Variants in ARHGAP15 observed in about 807,000 individuals in gnomAD.
ARHGAP15 encodes Rho GTPase activating protein 15.
A neutral mutation model predicts 63.7 loss-of-function variants in ARHGAP15; 51 were observed. The observed-to-expected ratio is 0.80, with a 90% CI of 0.64 to 1.01. The LOEUF (loss-of-function observed/expected upper bound fraction) is 1.01. Ranked by LOEUF, ARHGAP15 falls within the 50% of genes least tolerant of loss-of-function variation. The pLI is 0.00. For synonymous variants in ARHGAP15, 191 were observed against 193.8 expected (o/e 0.99, Z 0.12); for missense variants, 560 against 564.6 (o/e 0.99, Z 0.08).
rs201634692 is a variant in ARHGAP15 at position 143,399,365 on chromosome 2, A to T, written c.475-36236A>T. Among the ~76,000 whole-genome samples, 209 of 147,232 alleles carry T rather than the reference A, an allele frequency of 1.4e-3. 2 individuals carry two copies. Among genetic ancestry groups the T allele is most frequent in the Non-Finnish European group, 2.3e-3 (150 of 66,614 alleles). ...GCTCAAAGAGCACTGAGGCAAAAAA[A>T]TAAAAAAAAATGCCCTTCTTGGCAG... is the stretch of plus-strand genomic sequence containing the variant. On this transcript the variant is annotated intron_variant, in intron 6 of 13. Coordinates refer to ENST00000295095, the MANE Select transcript of ARHGAP15 (RefSeq NM_018460.4).
intron 8 of ARHGAP15, among the ~76,000 whole-genome samples, chr2:143,484,044 C>G (rs977467874): frequency 1.3e-5 from 2 of 151,808 alleles, no homozygotes; most frequent in African/African-American, 4.8e-5. Flanking sequence ...CCTGGCCAAC[C>G]TGGTGAAATC....
At chr2:143,337,295 G>A (rs1204062958) in intron 6 of ARHGAP15, among the ~76,000 whole-genome samples, 5 of 152,262 alleles carry the variant, frequency 3.3e-5, no homozygotes, top group Non-Finnish European at 4.4e-5. Context: ...GGAGGAAGGG[G>A]CCAGATTGCA....
chr2:143,606,278 T>C (rs2105205399), intron 11 of ARHGAP15, among the ~76,000 whole-genome samples: 2 of 152,264 alleles, frequency 1.3e-5, no homozygotes, highest in Middle Eastern at 6.8e-3. Flanking sequence ...TTCACAAATT[T>C]TGAGTGGTTA....
chr2:143,705,965 T>C (rs1684307466), intron 13 of ARHGAP15, among the ~76,000 whole-genome samples: 1 of 152,226 alleles, frequency 6.6e-6, no homozygotes, highest in Non-Finnish European at 1.5e-5. Context: ...TTTAGTTCAA[T>C]AGAGATGGAA....
chr2:143,405,085 C>T (rs1027639636), intron 6 of ARHGAP15, among the ~76,000 whole-genome samples: 1 of 151,554 alleles, frequency 6.6e-6, no homozygotes, highest in Non-Finnish European at 1.5e-5. Flanking sequence ...TCAAGGTGAA[C>T]TTTACAATGA....
rs544847178 is a variant in ARHGAP15 at position 143,711,004 on chromosome 2, G to C, written c.1244+7480G>C. ...ATATTCCAGACCTGAACAAAATCAGGGGTTGGAAAAGTGTGGCCCACAGGC... is the reference window on the plus strand; with the variant it reads ...ATATTCCAGACCTGAACAAAATCAGCGGTTGGAAAAGTGTGGCCCACAGGC... On this transcript the variant is annotated intron_variant, in intron 13 of 13. Transcript: ENST00000295095. 2.6e-5 allele frequency among the ~76,000 whole-genome samples: 4 copies of C among 152,268 alleles called. No individual in the cohort carries two copies. In the East Asian group the frequency reaches 5.8e-4, roughly 22 times the overall value.
intron 9 of ARHGAP15, among the ~76,000 whole-genome samples, chr2:143,503,131 A>G (rs1693148984): frequency 6.6e-6 from 1 of 152,262 alleles, no homozygotes; most frequent in Admixed American, 6.5e-5. Flanking sequence ...CTAGAATCCT[A>G]GACACAAAGA....
intron 1 of ARHGAP15, among the ~76,000 whole-genome samples, chr2:143,143,285 G>T (rs930794301): frequency 6.6e-6 from 1 of 152,162 alleles, no homozygotes; most frequent in African/African-American, 2.4e-5. Context: ...AAGGCATCAA[G>T]AGAACCTTCA....
intron 11 of ARHGAP15, chr2:143,598,047 C>T (rs943745522): frequency 2.0e-5 from 3 of 152,208 alleles, no homozygotes; most frequent in African/African-American, 7.2e-5. Context: ...AACTCCTCCC[C>T]AAAGTCTCCA....
intron 1 of ARHGAP15, among the ~76,000 whole-genome samples, chr2:143,139,367 G>T (rs552070921): frequency 1.3e-5 from 2 of 151,792 alleles, no homozygotes; most frequent in Non-Finnish European, 2.9e-5. Context: ...CTTTCTTTCC[G>T]TTTGCACGTA....
intron 11 of ARHGAP15, among the ~76,000 whole-genome samples, chr2:143,587,065 G>A (rs1169659096): frequency 6.6e-6 from 1 of 152,066 alleles, no homozygotes; most frequent in African/African-American, 2.4e-5. Flanking sequence ...ACAATAAAAT[G>A]ATTTTGCCTT....
intron 9 of ARHGAP15, among the ~76,000 whole-genome samples, chr2:143,504,335 A>G (rs1693206120): frequency 6.6e-6 from 1 of 152,220 alleles, no homozygotes; most frequent in Non-Finnish European, 1.5e-5. Flanking sequence ...CTGGGCCTAC[A>G]AAGATGTATA....
chr2:143,227,191 A>G (rs1693244059), intron 4 of ARHGAP15, among the ~76,000 whole-genome samples: 1 of 152,306 alleles, frequency 6.6e-6, no homozygotes, highest in Admixed American at 6.5e-5. Context: ...ATGAACATAT[A>G]TATATTCTAA....
At chr2:143,220,703 G>C (rs1174536162) in intron 4 of ARHGAP15, among the ~76,000 whole-genome samples, 1 of 152,090 alleles carries the variant, frequency 6.6e-6, no homozygotes, top group Non-Finnish European at 1.5e-5. Flanking sequence ...CCCATTGATA[G>C]TTTAGTAACT....
chr2:143,567,820 C>G (rs1696291326), intron 11 of ARHGAP15, among the ~76,000 whole-genome samples: 1 of 152,178 alleles, frequency 6.6e-6, no homozygotes, highest in Admixed American at 6.5e-5. Flanking sequence ...CAGAGAACAC[C>G]TCTGGCTCAA....
chr2:143,508,594 T>C (rs1214493046), intron 9 of ARHGAP15, among the ~76,000 whole-genome samples: 1 of 152,176 alleles, frequency 6.6e-6, no homozygotes, highest in Non-Finnish European at 1.5e-5. Context: ...TCTATGCCGT[T>C]GTGATTCTGT....
chr2:143,269,358 G>A (rs915560115), intron 6 of ARHGAP15, among the ~76,000 whole-genome samples: 1 of 152,050 alleles, frequency 6.6e-6, no homozygotes, highest in African/African-American at 2.4e-5. Flanking sequence ...TGAGTCTTAC[G>A]GAAGTCATGA....
chr2:143,322,509 G>GT lies in ARHGAP15; in HGVS notation c.474+71910dup, dbSNP rs144598385. Among the ~76,000 whole-genome samples, 443 of 152,170 alleles carry GT rather than the reference G, an allele frequency of 2.9e-3. 3 individuals carry two copies. The highest frequency in any genetic ancestry group is 0.01 in the African/African-American group (434 of 41,502). On this transcript the variant is annotated intron_variant, in intron 6 of 13. Transcript: ENST00000295095. Reference sequence around the variant, plus strand: ...TGCCATGATGGATTTCCTACTAAATGTAGAAATACAATAATGTAATAACAA... The same window carrying GT: ...TGCCATGATGGATTTCCTACTAAATGTTAGAAATACAATAATGTAATAACAA...
At chr2:143,466,583 A>G (rs1461115620) in intron 8 of ARHGAP15, among the ~76,000 whole-genome samples, 1 of 152,110 alleles carries the variant, frequency 6.6e-6, no homozygotes. Flanking sequence ...TAAATCAAGC[A>G]TATTCAGGCA....
Sources: gnomAD v4.1 joint callset for allele counts (sites outside exome capture counted in the v4.1 genomes callset) on GRCh38, gnomAD v4.1.1 for gene constraint, MANE v1.5 for transcripts, NCBI Gene and HGNC (gene_info 2026-07-23, HGNC 2026-07-21) for gene names.